SHPRH: variants seen among roughly 807,000 people sequenced by gnomAD.
SHPRH encodes the protein SNF2 histone linker PHD RING helicase, also known as E3 ubiquitin-protein ligase SHPRH.
A neutral mutation model predicts 202.5 loss-of-function variants in SHPRH; 106 were observed. The observed-to-expected ratio is 0.52, with a 90% CI of 0.45 to 0.62. SHPRH has a LOEUF of 0.62. Among genes scored for constraint, SHPRH ranks in the 20% least tolerant of loss-of-function variants. SHPRH has a pLI of 0.00. For missense variants in SHPRH, 1,710 were observed against 2,020.0 expected (o/e 0.85, Z 2.94); for synonymous variants, 729 against 686.0 (o/e 1.06, Z -0.98).
chr6:145,931,356 CTTA>C (rs779664000), intron 14 of SHPRH, among the ~76,000 whole-genome samples: 4 of 150,926 alleles, frequency 2.7e-5, no homozygotes, highest in Non-Finnish European at 5.9e-5. Flanking sequence ...TATTTATTTA[CTTA>C]TTATTATTTT....
intron 16 of SHPRH, among the ~76,000 whole-genome samples, chr6:145,925,928 C>G (rs1784836650): frequency 6.6e-6 from 1 of 151,862 alleles, no homozygotes; most frequent in Non-Finnish European, 1.5e-5. Flanking sequence ...TTTTTTAAAA[C>G]TCATTTATTT....
At chr6:145,945,661 A>G (rs1787290629) in intron 7 of SHPRH, 24 bp from the exon 8 acceptor site, 2 of 1,557,320 alleles carry the variant, frequency 1.3e-6, no homozygotes, top group Admixed American at 4.1e-5. Flanking sequence ...GATATGCTAA[A>G]TCAGTCAAAA....
In SHPRH at chr6:145,885,957, A is replaced by G. The variant is rs1780970120; in HGVS notation, c.*734T>C. On this transcript the variant is annotated 3_prime_UTR_variant, in exon 30 of 30. Coordinates refer to ENST00000275233, the MANE Select transcript of SHPRH (RefSeq NM_001042683.3). ...ACAACATATAAAAACTTTAACAATA[A>G]GAAAAATTAAGAGTAGGGAAAGCAG... is the stretch of plus-strand genomic sequence containing the variant. The G allele has an allele frequency of 6.6e-6, 1 of 152,266 alleles. No individual in the cohort carries two copies. Among genetic ancestry groups the G allele is most frequent in the African/African-American group, 2.4e-5 (1 of 41,460 alleles). 9.4% of individuals were successfully genotyped at this position (152,266 alleles called of 1,614,324 possible). A position where few individuals can be genotyped will look rare whatever the true frequency, so the allele number is the denominator to read the frequency against.
intron 25 of SHPRH, chr6:145,909,442 A>G (rs144116834): frequency 5.3e-5 from 8 of 152,272 alleles, no homozygotes; most frequent in Non-Finnish European, 7.4e-5. Context: ...AAAGAGCAAT[A>G]TAACTGATAT....
intron 9 of SHPRH, among the ~76,000 whole-genome samples, chr6:145,942,595 A>G (rs1033411201): frequency 1.3e-5 from 2 of 152,218 alleles, no homozygotes; most frequent in African/African-American, 4.8e-5. Flanking sequence ...AATATTAGGA[A>G]ACAATAACAT....
intron 21 of SHPRH, 133 bp from the exon 22 acceptor site, chr6:145,919,624 A>T (rs1476334291): frequency 1.0e-5 from 10 of 986,836 alleles, no homozygotes; most frequent in Non-Finnish European, 1.4e-5. Flanking sequence ...ACGTACAAGT[A>T]GTTCCTGGGG....
intron 25 of SHPRH, among the ~76,000 whole-genome samples, chr6:145,895,205 A>G (rs1458803221): frequency 1.3e-5 from 2 of 152,130 alleles, no homozygotes; most frequent in African/African-American, 4.8e-5. Context: ...ATGTAAAAGC[A>G]TGCCAGAAAG....
intron 5 of SHPRH, 147 bp from the exon 6 acceptor site, chr6:145,947,790 T>C: frequency 9.1e-7 from 1 of 1,092,928 alleles, no homozygotes; most frequent in African/African-American, 1.6e-5. Context: ...AATTCAAACC[T>C]TAGATTACAA....
intron 23 of SHPRH, among the ~76,000 whole-genome samples, chr6:145,915,146 G>T (rs1783836569): frequency 7.0e-6 from 1 of 143,514 alleles, no homozygotes; most frequent in South Asian, 2.2e-4. Context: ...TATTTTGGCA[G>T]AATTATAAAT....
rs533292164 is a variant in SHPRH, at chr6:145,947,613, C to A, written c.1092G>T (p.Pro364=). The part of the protein sequence containing the change: ...CIIREYPNSG[P]QLLGGILADE... ...CTGCTAAAATTCCACCAAGCAACTG[C>A]GGCCCAGAATTTGGGTACTCACGAA... Residue 364 remains proline (P), a synonymous_variant, in exon 6 of 30, where the codon CCG becomes CCT. Coordinates refer to ENST00000275233, the MANE Select transcript of SHPRH (RefSeq NM_001042683.3). The A allele has an allele frequency of 6.8e-6, 11 of 1,612,598 alleles. No homozygotes were observed. In the East Asian group the frequency reaches 1.6e-4, roughly 23 times the overall value.
At chr6:145,873,137 T>C (rs1261777823) in intron 2 of SHPRH, among the ~76,000 whole-genome samples, 5 of 152,050 alleles carry the variant, frequency 3.3e-5, no homozygotes, top group Admixed American at 1.3e-4. Context: ...CATTTACCTA[T>C]GTAACAAACC....
At chr6:145,924,449 G>A (rs1016390241) in intron 17 of SHPRH, among the ~76,000 whole-genome samples, 8 of 151,844 alleles carry the variant, frequency 5.3e-5, no homozygotes, top group African/African-American at 1.9e-4. Context: ...GGAGGTTATA[G>A]AAGTCTTTAC....
At chr6:145,862,025 T>C (rs963025930), downstream of SHPRH, among the ~76,000 whole-genome samples, 1 of 152,074 alleles carries the variant, frequency 6.6e-6, no homozygotes, top group African/African-American at 2.4e-5. Context: ...TGGGGTGATG[T>C]TGGTCAAAGG....
At position 145,919,458 on chromosome 6, in the gene SHPRH, G is replaced by A. The variant is rs764452521; in HGVS notation, c.4042C>T (p.Arg1348Cys). ...LHEYWMALRNRVSAVDELAMA... is the reference protein window; with the variant it reads ...LHEYWMALRNCVSAVDELAMA... ...GCAAGTTCATCAACAGCAGACACACGATTCCTCAGAGCCATCCAATATTCA... is the reference window on the plus strand; with the variant it reads ...GCAAGTTCATCAACAGCAGACACACAATTCCTCAGAGCCATCCAATATTCA... Residue 1348 changes from arginine (R) to cysteine (C), a missense_variant, in exon 22 of 30, where the codon CGT becomes TGT. Around this residue, in one of 8 missense-constraint regions of SHPRH, gnomAD observed 306 missense variants for 479.5 expected, o/e 0.64. Coordinates refer to ENST00000275233, the MANE Select transcript of SHPRH (RefSeq NM_001042683.3). 1.9e-6 allele frequency: 3 copies of A among 1,612,930 alleles called. No homozygotes were observed. Among genetic ancestry groups the A allele is most frequent in the Non-Finnish European group, 2.5e-6 (3 of 1,179,312 alleles).
chr6:145,881,937 C>G (rs566567215), downstream of SHPRH, among the ~76,000 whole-genome samples: 4 of 152,066 alleles, frequency 2.6e-5, no homozygotes, highest in South Asian at 8.3e-4. Context: ...AACGCTGTCT[C>G]TACAAAAAAT....
chr6:145,959,301 G>A (rs1373650290), intron 1 of SHPRH, among the ~76,000 whole-genome samples: 20 of 152,098 alleles, frequency 1.3e-4, no homozygotes, highest in Non-Finnish European at 8.8e-5. Flanking sequence ...CCACAAAGGT[G>A]TACTATTTTT....
At position 145,924,775 on chromosome 6, in the gene SHPRH, A is replaced by T. The variant is rs1446260131; in HGVS notation, c.3366T>A (p.Tyr1122Ter). ...TEVAEAQQAL[Y>*]PVQQTIHELQ... Reference sequence around the variant, plus strand: ...GCTCATGGATGGTCTGCTGCACAGGATATAAAGCTTGCTGGGCTTCAGCAA... The same window carrying T: ...GCTCATGGATGGTCTGCTGCACAGGTTATAAAGCTTGCTGGGCTTCAGCAA... The change falls in exon 17 of 30, where the codon TAT (tyrosine) becomes TAA (stop). Residue 1122 changes from tyrosine to a stop codon, truncating the protein, a stop_gained. Coordinates refer to ENST00000275233, the MANE Select transcript of SHPRH (RefSeq NM_001042683.3). LOFTEE classifies it high-confidence loss of function. 6.2e-7 allele frequency: 1 copy of T among 1,611,758 alleles called. No individual in the cohort carries two copies. The highest frequency in any genetic ancestry group is 8.5e-7 in the Non-Finnish European group (1 of 1,178,494).
At chr6:145,873,666 G>A (rs1583263287) in intron 2 of SHPRH, among the ~76,000 whole-genome samples, 1 of 127,046 alleles carries the variant, frequency 7.9e-6, no homozygotes, top group East Asian at 2.7e-4. Context: ...GATGATGTCA[G>A]TTTTAGTGTC....
chr6:145,939,048 A>T (rs1451180429), intron 11 of SHPRH, among the ~76,000 whole-genome samples: 1 of 152,178 alleles, frequency 6.6e-6, no homozygotes, highest in Non-Finnish European at 1.5e-5. Flanking sequence ...CCCAAATGTC[A>T]ATATGGCCAA....
Sources: gnomAD v4.1 joint callset for allele counts (sites outside exome capture counted in the v4.1 genomes callset) on GRCh38, gnomAD v4.1.1 for gene constraint, gnomAD v4.1.1 regional missense constraint, MANE v1.5 for transcripts, NCBI Gene and HGNC (gene_info 2026-07-23, HGNC 2026-07-21) for gene names.